The following FAF1 variants were observed in gnomAD, a reference collection of about 807,000 sequenced individuals.
The protein encoded by FAF1 is Fas associated factor 1, also known as FAS-associated factor 1.
In FAF1, 25 loss-of-function variants were observed where a neutral mutation model predicts 92.5. The ratio of observed to expected loss-of-function variants is 0.27; its 90% confidence interval spans 0.20 to 0.38. The LOEUF (loss-of-function observed/expected upper bound fraction) is 0.38, where lower values mean the gene tolerates loss of function less well. FAF1 is among the 10% of genes least tolerant of loss of function. The probability of loss-of-function intolerance (pLI) is 1.00; values close to 1 mark genes in which losing one functional copy is unlikely to be tolerated. For synonymous variants in FAF1, 234 were observed against 273.2 expected (o/e 0.86, Z 1.42); for missense variants, 636 against 793.3 (o/e 0.80, Z 2.38).
chr1:50,443,184 A>G (rs1219468884), intron 18 of FAF1, among the ~76,000 whole-genome samples: 1 of 152,230 alleles, frequency 6.6e-6, no homozygotes, highest in Non-Finnish European at 1.5e-5. Context: ...TGGCTTGTAA[A>G]TATGATGTTT....
At chr1:50,932,529 A>G (rs1202390978) in intron 1 of FAF1, among the ~76,000 whole-genome samples, 1 of 152,210 alleles carries the variant, frequency 6.6e-6, no homozygotes, top group Non-Finnish European at 1.5e-5. Context: ...GTGGGTTCCC[A>G]TGGTCTTGGG....
chr1:50,662,683 CTTTTTTTTTTTTTTTT>C (rs58193277), intron 7 of FAF1, among the ~76,000 whole-genome samples: 4 of 77,602 alleles, frequency 5.2e-5, no homozygotes, highest in Admixed American at 2.3e-4. Flanking sequence ...GAATTTGTAT[CTTTTTTTTTTTTTTTT>C]TTTTTTTTTT....
Position 50,959,387 on chromosome 1 carries a change from G to A in FAF1, c.45+380C>T, listed in dbSNP as rs150863845. Among the ~76,000 whole-genome samples, 115 of 151,804 alleles carry A rather than the reference G, an allele frequency of 7.6e-4. No individual in the cohort carries two copies. In the East Asian group the frequency reaches 0.019, roughly 25 times the overall value. On this transcript the variant is annotated intron_variant, in intron 1 of 18. Transcript: ENST00000396153. The stretch of plus-strand genomic sequence containing the variant: ...ACGCCCATAACACCACACGCTCCAC[G>A]CTCACACTCCATACATCTCTCCCCA...
chr1:50,444,244 T>A (rs928655792), intron 18 of FAF1, among the ~76,000 whole-genome samples: 3 of 152,132 alleles, frequency 2.0e-5, no homozygotes, highest in African/African-American at 7.2e-5. Context: ...TGGGCCCCAT[T>A]CAAGAAGGAC....
chr1:50,825,624 A>C (rs1644089663), intron 2 of FAF1, among the ~76,000 whole-genome samples: 1 of 152,150 alleles, frequency 6.6e-6, no homozygotes, highest in South Asian at 2.1e-4. Context: ...GGGGAAAAAA[A>C]CAAAATTCTT....
At chr1:50,857,826 T>C (rs1488089785) in intron 2 of FAF1, 103 bp downstream of exon 2, 10 of 615,134 alleles carry the variant, frequency 1.6e-5, no homozygotes, top group South Asian at 2.5e-5. Flanking sequence ...CTTAGAGTTA[T>C]AGATGAGCTA....
intron 8 of FAF1, among the ~76,000 whole-genome samples, chr1:50,634,331 T>C (rs1159344514): frequency 6.6e-6 from 1 of 152,206 alleles, no homozygotes; most frequent in East Asian, 1.9e-4. Flanking sequence ...TATAGGTAAT[T>C]GATTATGTTT....
At chr1:50,686,503 T>C (rs981694482) in intron 7 of FAF1, among the ~76,000 whole-genome samples, 4 of 150,444 alleles carry the variant, frequency 2.7e-5, no homozygotes, top group African/African-American at 7.3e-5. Flanking sequence ...GATTGCACCA[T>C]TGCGCTCCAG....
chr1:50,687,344 G>C (rs554419781), intron 7 of FAF1, among the ~76,000 whole-genome samples: 1 of 125,466 alleles, frequency 8.0e-6, no homozygotes, highest in Non-Finnish European at 1.6e-5. Flanking sequence ...ATTCCAGAAC[G>C]TTTTATCAAT....
At chr1:50,857,433 T>G (rs970901812) in intron 2 of FAF1, among the ~76,000 whole-genome samples, 2 of 151,822 alleles carry the variant, frequency 1.3e-5, no homozygotes, top group African/African-American at 4.8e-5. Flanking sequence ...GAATGTTTAG[T>G]GCTATGCTGT....
At chr1:50,484,977 G>T (rs928506707) in intron 17 of FAF1, among the ~76,000 whole-genome samples, 1 of 143,088 alleles carries the variant, frequency 7.0e-6, no homozygotes, top group African/African-American at 2.6e-5. Context: ...AGGGAGGAGG[G>T]ATAGCATTAG....
At chr1:50,780,169 A>T (rs1661117805) in intron 4 of FAF1, among the ~76,000 whole-genome samples, 1 of 152,218 alleles carries the variant, frequency 6.6e-6, no homozygotes, top group Non-Finnish European at 1.5e-5. Context: ...AGGTGAATGG[A>T]TATAAAAACA....
intron 18 of FAF1, among the ~76,000 whole-genome samples, chr1:50,467,985 G>T (rs1266840946): frequency 6.6e-6 from 1 of 152,188 alleles, no homozygotes; most frequent in Non-Finnish European, 1.5e-5. Flanking sequence ...AAAGTAGGCA[G>T]ATCATCTGAG....
chr1:50,698,202 T>C (rs998614478), intron 7 of FAF1, among the ~76,000 whole-genome samples: 1 of 152,110 alleles, frequency 6.6e-6, no homozygotes, highest in African/African-American at 2.4e-5. Flanking sequence ...AGAGGTTGGT[T>C]ACTATTTCTT....
intron 18 of FAF1, among the ~76,000 whole-genome samples, chr1:50,459,362 G>T (rs1034153056): frequency 6.6e-6 from 1 of 152,088 alleles, no homozygotes; most frequent in South Asian, 2.1e-4. Context: ...GGCATTTTCT[G>T]GTGTTGAGCC....
At chr1:50,489,593 C>T (rs1646806296) in intron 17 of FAF1, among the ~76,000 whole-genome samples, 1 of 152,166 alleles carries the variant, frequency 6.6e-6, no homozygotes, top group African/African-American at 2.4e-5. Flanking sequence ...AGAGCAGGAT[C>T]CATGTCTGCA....
chr1:50,800,594 T>C (rs941315642), intron 3 of FAF1, among the ~76,000 whole-genome samples: 13 of 152,182 alleles, frequency 8.5e-5, no homozygotes, highest in African/African-American at 3.1e-4. Context: ...AACGGGGGTA[T>C]AGGTCTATTT....
At chr1:50,862,662 TAA>T (rs1026605652) in intron 1 of FAF1, among the ~76,000 whole-genome samples, 11 of 151,162 alleles carry the variant, frequency 7.3e-5, no homozygotes, top group African/African-American at 2.7e-4. Context: ...ACCTAACACA[TAA>T]AGACTCACAC....
At chr1:50,848,878 G>T (rs1644324839) in intron 2 of FAF1, among the ~76,000 whole-genome samples, 1 of 152,204 alleles carries the variant, frequency 6.6e-6, no homozygotes, top group Non-Finnish European at 1.5e-5. Flanking sequence ...TAAATGTATT[G>T]TAGACATTAA....
Sources: gnomAD v4.1 joint callset for allele counts (sites outside exome capture counted in the v4.1 genomes callset) on GRCh38, gnomAD v4.1.1 for gene constraint, MANE v1.5 for transcripts, NCBI Gene and HGNC (gene_info 2026-07-23, HGNC 2026-07-21) for gene names.